The following ST8SIA1 variants were observed in gnomAD, a reference collection of about 807,000 sequenced individuals.
ST8SIA1 encodes the protein alpha-N-acetylneuraminide alpha-2,8-sialyltransferase.
A neutral mutation model predicts 35.9 loss-of-function variants in ST8SIA1; 16 were observed. The observed-to-expected ratio is 0.45, with a 90% confidence interval of 0.30 to 0.68. The LOEUF (loss-of-function observed/expected upper bound fraction) is 0.68. Among genes scored for constraint, ST8SIA1 ranks in the 30% least tolerant of loss-of-function variants. ST8SIA1 has a pLI of 0.09. For missense variants in ST8SIA1, 383 were observed against 453.6 expected (o/e 0.84, Z 1.41); for synonymous variants, 170 against 169.6 (o/e 1.00, Z -0.02).
intron 2 of ST8SIA1, among the ~76,000 whole-genome samples, chr12:22,286,016 C>T (rs1013106421): frequency 6.6e-6 from 1 of 151,966 alleles, no homozygotes; most frequent in African/African-American, 2.4e-5. Context: ...CTTAGGTAAT[C>T]ATCCAAGGAA....
At chr12:22,289,315 C>T (rs1866146538) in intron 1 of ST8SIA1, among the ~76,000 whole-genome samples, 1 of 148,884 alleles carries the variant, frequency 6.7e-6, no homozygotes, top group Non-Finnish European at 1.5e-5. Flanking sequence ...CATCATGATT[C>T]CTCCCAATTC....
At chr12:22,207,678 A>AC (rs1196172383) in intron 4 of ST8SIA1, among the ~76,000 whole-genome samples, 1 of 152,196 alleles carries the variant, frequency 6.6e-6, no homozygotes, top group African/African-American at 2.4e-5. Flanking sequence ...ATTTATATTG[A>AC]CCAAGTTCAC....
intron 4 of ST8SIA1, among the ~76,000 whole-genome samples, chr12:22,208,496 C>T (rs982907948): frequency 6.6e-6 from 1 of 151,902 alleles, no homozygotes; most frequent in African/African-American, 2.4e-5. Context: ...TGAAATAAGC[C>T]TAAAAATAAA....
intron 2 of ST8SIA1, among the ~76,000 whole-genome samples, chr12:22,268,286 G>A (rs922455380): frequency 2.0e-5 from 3 of 152,150 alleles, no homozygotes; most frequent in Non-Finnish European, 4.4e-5. Flanking sequence ...ATCCACAGAC[G>A]AGCTTTTTAG....
At chr12:22,322,032 A>ATGT (rs1866609142) in intron 1 of ST8SIA1, among the ~76,000 whole-genome samples, 1 of 152,188 alleles carries the variant, frequency 6.6e-6, no homozygotes, top group African/African-American at 2.4e-5. Flanking sequence ...AGCAGTTCAC[A>ATGT]TGTTGCATAG....
Position 22,200,371 on chromosome 12 carries a change from A to G in ST8SIA1, c.*1181T>C, listed in dbSNP as rs1865036343. The G allele has an allele frequency of 6.6e-6, 1 of 152,120 alleles. No individual in the cohort carries two copies. The highest frequency in any genetic ancestry group is 2.4e-5 in the African/African-American group (1 of 41,422). The allele number at this position is 152,120 out of a possible 1,614,324, so 9.4% of individuals were successfully genotyped here. On this transcript the variant is annotated 3_prime_UTR_variant, in exon 5 of 5. Transcript: ENST00000396037. ...CAGGTCATATGAGTTCAGCTTTCAT[A>G]GTTGCACAGTAATGAGCTTTGTTTA...
At chr12:22,243,866 T>C (rs1352947550) in intron 4 of ST8SIA1, among the ~76,000 whole-genome samples, 3 of 152,070 alleles carry the variant, frequency 2.0e-5, no homozygotes, top group African/African-American at 4.8e-5. Flanking sequence ...ACCCCGTCTC[T>C]ACAAAAAATA....
At chr12:22,271,720 C>T (rs1865913567) in intron 2 of ST8SIA1, among the ~76,000 whole-genome samples, 1 of 152,200 alleles carries the variant, frequency 6.6e-6, no homozygotes, top group African/African-American at 2.4e-5. Context: ...CTGGTGGCTT[C>T]CCTGCTCCAA....
At chr12:22,244,704 G>A (rs1473054804) in intron 4 of ST8SIA1, among the ~76,000 whole-genome samples, 5 of 151,988 alleles carry the variant, frequency 3.3e-5, no homozygotes, top group Non-Finnish European at 5.9e-5. Context: ...CACCAGCCTC[G>A]GCCTCCCAAA....
intron 1 of ST8SIA1, chr12:22,325,935 G>C: frequency 1.5e-6 from 1 of 681,208 alleles, no homozygotes; most frequent in Non-Finnish European, 2.7e-6. Flanking sequence ...TGGAGACGCT[G>C]AACAAAGGGA....
At chr12:22,326,152 G>A (rs989762694) in intron 1 of ST8SIA1, 1 of 393,652 alleles carries the variant, frequency 2.5e-6, no homozygotes, top group African/African-American at 2.1e-5. Context: ...TATAAAATTT[G>A]TTAATTAGAT....
chr12:22,223,868 ATACT>A (rs1311259217), intron 4 of ST8SIA1: 24 of 1,048,352 alleles, frequency 2.3e-5, no homozygotes, highest in Non-Finnish European at 2.7e-5. Flanking sequence ...GTGCAAAATA[ATACT>A]TAATTCTGTT....
chr12:22,248,270 G>A (rs1452607738), intron 4 of ST8SIA1, among the ~76,000 whole-genome samples: 2 of 152,058 alleles, frequency 1.3e-5, no homozygotes, highest in Non-Finnish European at 1.5e-5. Flanking sequence ...AATTGCCAGG[G>A]ACACAGGAGG....
At chr12:22,314,185 C>A (rs1422836043) in intron 1 of ST8SIA1, among the ~76,000 whole-genome samples, 1 of 152,114 alleles carries the variant, frequency 6.6e-6, no homozygotes, top group Non-Finnish European at 1.5e-5. Flanking sequence ...AACATGGCTA[C>A]ATGAAACCCT....
chr12:22,224,618 G>A (rs139292622), intron 4 of ST8SIA1, among the ~76,000 whole-genome samples: 3 of 152,010 alleles, frequency 2.0e-5, no homozygotes, highest in East Asian at 1.9e-4. Context: ...AATAATTGTC[G>A]GTTTTTAGAT....
intron 2 of ST8SIA1, among the ~76,000 whole-genome samples, chr12:22,282,299 G>T (rs1468005683): frequency 6.6e-6 from 1 of 152,126 alleles, no homozygotes; most frequent in East Asian, 1.9e-4. Context: ...TGAAATGGAG[G>T]CAATAATAAC....
At chr12:22,267,171 G>GTGGTATCAATTAGGGC (rs1464509520) in intron 2 of ST8SIA1, among the ~76,000 whole-genome samples, 12 of 152,232 alleles carry the variant, frequency 7.9e-5, no homozygotes, top group African/African-American at 2.9e-4. Context: ...ACACTAAAAG[G>GTGGTATCAATTAGGGC]TGGTATCAAT....
At chr12:22,280,977 TTAC>T (rs1466173756) in intron 2 of ST8SIA1, among the ~76,000 whole-genome samples, 3 of 152,246 alleles carry the variant, frequency 2.0e-5, no homozygotes, top group African/African-American at 7.2e-5. Flanking sequence ...ACATTCTCTG[TTAC>T]TACTTTATGT....
At chr12:22,234,406 T>A (rs546285054) in intron 4 of ST8SIA1, among the ~76,000 whole-genome samples, 1 of 152,302 alleles carries the variant, frequency 6.6e-6, no homozygotes, top group South Asian at 2.1e-4. Flanking sequence ...CTAAGGAACA[T>A]AACAATTTTT....
Sources: gnomAD v4.1 joint callset for allele counts (sites outside exome capture counted in the v4.1 genomes callset) on GRCh38, gnomAD v4.1.1 for gene constraint, MANE v1.5 for transcripts, NCBI Gene and HGNC (gene_info 2026-07-23, HGNC 2026-07-21) for gene names.